MAGI1: variants seen among roughly 807,000 people sequenced by gnomAD.
MAGI1 encodes membrane-associated guanylate kinase, WW and PDZ domain-containing protein 1.
MAGI1 carries 58 observed loss-of-function variants against 139.9 expected under a neutral mutation model. The ratio of observed to expected loss-of-function variants is 0.41; its 90% CI spans 0.34 to 0.52. The LOEUF is 0.52. Among genes scored for constraint, MAGI1 ranks in the 20% least tolerant of loss-of-function variants. The pLI is 0.12. For missense variants in MAGI1, 1,874 were observed against 1,901.6 expected, an observed-to-expected ratio of 0.99 and a Z score of 0.27; for synonymous variants, 812 against 737.9, an observed-to-expected ratio of 1.10 and a Z score of -1.63.
chr3:65,698,806 A>T (rs1165123014), intron 1 of MAGI1, among the ~76,000 whole-genome samples: 1 of 144,648 alleles, frequency 6.9e-6, no homozygotes, highest in Non-Finnish European at 1.5e-5. Context: ...CATTCAGGAC[A>T]TAGGCGTGGG....
intron 1 of MAGI1, among the ~76,000 whole-genome samples, chr3:65,819,080 T>C (rs1486506820): frequency 6.6e-6 from 1 of 151,712 alleles, no homozygotes; most frequent in Non-Finnish European, 1.5e-5. Flanking sequence ...AGGTCAGGAG[T>C]TCGAGACCAG....
At chr3:65,589,136 G>A (rs1309179353) in intron 2 of MAGI1, among the ~76,000 whole-genome samples, 1 of 152,114 alleles carries the variant, frequency 6.6e-6, no homozygotes. Flanking sequence ...ACAGAAAACT[G>A]GGGAGACAGG....
intron 1 of MAGI1, among the ~76,000 whole-genome samples, chr3:65,971,940 C>T (rs886777766): frequency 6.6e-6 from 1 of 152,170 alleles, no homozygotes; most frequent in Non-Finnish European, 1.5e-5. Flanking sequence ...CGTACCTCAG[C>T]AAGAAGGAGC....
intron 1 of MAGI1, among the ~76,000 whole-genome samples, chr3:65,637,638 T>C (rs944127342): frequency 1.3e-5 from 2 of 151,864 alleles, no homozygotes; most frequent in East Asian, 3.9e-4. Context: ...AGGGCTTATA[T>C]TGGTGATGAT....
intron 2 of MAGI1, among the ~76,000 whole-genome samples, chr3:65,545,884 T>C (rs2079473086): frequency 6.6e-6 from 1 of 152,052 alleles, no homozygotes; most frequent in Non-Finnish European, 1.5e-5. Context: ...GGGTAGGTTA[T>C]GCAGAATAAA....
Position 65,674,392 on chromosome 3 carries a change from C to T in MAGI1, c.314-52304G>A, listed in dbSNP as rs75420361. On this transcript the variant is annotated intron_variant, in intron 1 of 22. Transcript: ENST00000402939. ...TTCAAGAACCAGTCATTTTATTTCT[C>T]CCCTAGGATCACAGACCTTCCCAAG... 6.6e-3 allele frequency among the ~76,000 whole-genome samples: 1,010 copies of T among 152,264 alleles called. 12 individuals are homozygous for T. The highest frequency in any genetic ancestry group is 0.023 in the African/African-American group (973 of 41,542).
chr3:65,696,959 A>G (rs1417103197), intron 1 of MAGI1, among the ~76,000 whole-genome samples: 1 of 152,218 alleles, frequency 6.6e-6, no homozygotes, highest in Non-Finnish European at 1.5e-5. Context: ...AGGATCAACA[A>G]AATTGATAGA....
At chr3:65,713,712 CAGTA>C (rs777334188) in intron 1 of MAGI1, among the ~76,000 whole-genome samples, 4 of 152,150 alleles carry the variant, frequency 2.6e-5, no homozygotes, top group Non-Finnish European at 5.9e-5. Context: ...TGTATTCATT[CAGTA>C]AGTATTTTGT....
intron 18 of MAGI1, among the ~76,000 whole-genome samples, chr3:65,366,542 C>G (rs1188405487): frequency 6.6e-6 from 1 of 152,122 alleles, no homozygotes; most frequent in African/African-American, 2.4e-5. Context: ...TACTGGGAGA[C>G]AGTTTAGCAC....
At chr3:65,879,118 C>G (rs1037504975) in intron 1 of MAGI1, among the ~76,000 whole-genome samples, 2 of 152,064 alleles carry the variant, frequency 1.3e-5, no homozygotes, top group East Asian at 3.9e-4. Flanking sequence ...AAGAGTATCC[C>G]CACCAGGCAG....
rs1159141489 is a variant in MAGI1, at chr3:65,354,763, ATT to A, written c.*1613_*1614del. ...CACGTATCACATTCCTCACAGCTAAATTTTGTCATAAATTCTCTTTTATACAA... is the reference window on the plus strand; with the variant it reads ...CACGTATCACATTCCTCACAGCTAAATTGTCATAAATTCTCTTTTATACAA... On this transcript the variant is annotated 3_prime_UTR_variant, in exon 23 of 23. Coordinates refer to ENST00000402939, the MANE Select transcript of MAGI1 (RefSeq NM_001033057.2). 2.0e-5 allele frequency: 3 copies of A among 152,558 alleles called. No individual in the cohort carries two copies. The highest frequency in any genetic ancestry group is 4.8e-5 in the African/African-American group (2 of 41,422). 9.5% of individuals were successfully genotyped at this position (152,558 alleles called of 1,614,324 possible). A position where few individuals can be genotyped will look rare whatever the true frequency, so the allele number is the denominator to read the frequency against.
chr3:65,945,214 T>C (rs1430810045), intron 1 of MAGI1, among the ~76,000 whole-genome samples: 1 of 152,168 alleles, frequency 6.6e-6, no homozygotes, highest in Non-Finnish European at 1.5e-5. Flanking sequence ...GGTTTTTTTG[T>C]TGTTGTTTTT....
intron 2 of MAGI1, among the ~76,000 whole-genome samples, chr3:65,522,217 A>G (rs1234095935): frequency 6.6e-6 from 1 of 152,194 alleles, no homozygotes; most frequent in Non-Finnish European, 1.5e-5. Flanking sequence ...TCTTCACTGC[A>G]AGACTTCTCA....
At chr3:65,588,240 TAGTC>T (rs1344438056) in intron 2 of MAGI1, among the ~76,000 whole-genome samples, 1 of 152,136 alleles carries the variant, frequency 6.6e-6, no homozygotes, top group East Asian at 1.9e-4. Flanking sequence ...AGAATATAGA[TAGTC>T]AGTTTTCAAG....
At chr3:65,793,842 T>A (rs1016896227) in intron 1 of MAGI1, among the ~76,000 whole-genome samples, 1 of 152,206 alleles carries the variant, frequency 6.6e-6, no homozygotes, top group Non-Finnish European at 1.5e-5. Context: ...TGCACCAACA[T>A]CATATAGACA....
At chr3:65,525,530 G>C (rs1000376177) in intron 2 of MAGI1, among the ~76,000 whole-genome samples, 1 of 152,194 alleles carries the variant, frequency 6.6e-6, no homozygotes, top group African/African-American at 2.4e-5. Context: ...GGAATGTTGA[G>C]TTTTTAAGTC....
chr3:65,610,726 A>G (rs1227550950), intron 2 of MAGI1, among the ~76,000 whole-genome samples: 1 of 68,964 alleles, frequency 1.5e-5, no homozygotes, highest in African/African-American at 4.8e-5. Flanking sequence ...TCATTTAGGT[A>G]CAAATATAGT....
intron 1 of MAGI1, among the ~76,000 whole-genome samples, chr3:65,737,538 T>A (rs1236386480): frequency 6.6e-6 from 1 of 152,210 alleles, no homozygotes; most frequent in Non-Finnish European, 1.5e-5. Context: ...GACAATAATG[T>A]AACATTGTTC....
intron 1 of MAGI1, among the ~76,000 whole-genome samples, chr3:66,033,515 A>G (rs2107606577): frequency 6.6e-6 from 1 of 152,360 alleles, no homozygotes; most frequent in South Asian, 2.1e-4. Context: ...GAGATTCATG[A>G]GAAACCAAAC....
Sources: gnomAD v4.1 joint callset for allele counts (sites outside exome capture counted in the v4.1 genomes callset) on GRCh38, gnomAD v4.1.1 for gene constraint, MANE v1.5 for transcripts, NCBI Gene and HGNC (gene_info 2026-07-23, HGNC 2026-07-21) for gene names.